The following GOLIM4 variants were observed in gnomAD, a reference collection of about 807,000 sequenced individuals.
GOLIM4 encodes the protein 130 kDa golgi-localized phosphoprotein.
A neutral mutation model predicts 107.4 loss-of-function variants in GOLIM4; 71 were observed. That is an observed-to-expected ratio of 0.66 (90% CI 0.55 to 0.81). The LOEUF is 0.81. Among genes scored for constraint, GOLIM4 ranks in the 30% least tolerant of loss-of-function variants. The pLI, the probability that GOLIM4 is intolerant of heterozygous loss-of-function variation, is 0.00. For missense variants in GOLIM4, 830 were observed against 826.1 expected (o/e 1.00, Z -0.06); for synonymous variants, 327 against 294.8 (o/e 1.11, Z -1.12).
intron 1 of GOLIM4, among the ~76,000 whole-genome samples, chr3:168,062,376 T>C (rs1720320569): frequency 6.6e-6 from 1 of 151,442 alleles, no homozygotes; most frequent in Admixed American, 6.6e-5. Flanking sequence ...ATGCTTTCTA[T>C]ATCCCTAATT....
chr3:168,010,875 C>A lies in GOLIM4; in HGVS notation c.1861-52G>T, dbSNP rs80013308. The A allele has an allele frequency of 5.9e-6, 7 of 1,181,204 alleles. No homozygotes were observed. The African/African-American group carries it at 7.5e-5, about 13-fold the overall frequency. The allele number at this position is 1,181,204 out of a possible 1,614,324, so 73.2% of individuals were successfully genotyped here. A position where few individuals can be genotyped will look rare whatever the true frequency, so the allele number is the denominator to read the frequency against. On this transcript the variant is annotated intron_variant, in intron 14 of 15. Coordinates refer to ENST00000470487, the MANE Select transcript of GOLIM4 (RefSeq NM_014498.5). ...AACACTTTTGTCTTTCAAGCACTTG[C>A]GATAATATATTTTGACACTGTTATC...
intron 1 of GOLIM4, among the ~76,000 whole-genome samples, chr3:168,060,101 T>G (rs1381254286): frequency 2.6e-5 from 2 of 76,050 alleles, no homozygotes; most frequent in African/African-American, 1.1e-4. Flanking sequence ...CATTAGAGAG[T>G]TTTTTTTTTT....
At chr3:168,074,287 G>A (rs376471110) in intron 1 of GOLIM4, among the ~76,000 whole-genome samples, 1 of 152,158 alleles carries the variant, frequency 6.6e-6, no homozygotes, top group Non-Finnish European at 1.5e-5. Context: ...GAAATATGAA[G>A]TGTTTATGTT....
intron 1 of GOLIM4, among the ~76,000 whole-genome samples, chr3:168,054,760 T>C (rs144163494): frequency 6.6e-6 from 1 of 152,316 alleles, no homozygotes; most frequent in East Asian, 1.9e-4. Flanking sequence ...TATCTCATTA[T>C]CGTATCCCTG....
chr3:168,093,820 G>A (rs1577586904), intron 1 of GOLIM4, among the ~76,000 whole-genome samples: 1 of 152,152 alleles, frequency 6.6e-6, no homozygotes, highest in African/African-American at 2.4e-5. Context: ...TCTAAGTTGG[G>A]AAGAGCAAGT....
intron 12 of GOLIM4, among the ~76,000 whole-genome samples, chr3:168,025,640 G>A (rs1186117354): frequency 6.6e-6 from 1 of 152,094 alleles, no homozygotes; most frequent in Non-Finnish European, 1.5e-5. Flanking sequence ...AAAAGGAAAT[G>A]GTCATTTTCT....
intron 1 of GOLIM4, among the ~76,000 whole-genome samples, chr3:168,083,001 A>G (rs1327803326): frequency 1.3e-5 from 2 of 152,234 alleles, no homozygotes; most frequent in Non-Finnish European, 2.9e-5. Context: ...TCAAATAAAA[A>G]GAATATTTTT....
intron 8 of GOLIM4, among the ~76,000 whole-genome samples, chr3:168,035,557 A>G (rs1718594414): frequency 6.6e-6 from 1 of 152,228 alleles, no homozygotes; most frequent in African/African-American, 2.4e-5. Context: ...ACAGAAAGTC[A>G]AATACTACAT....
chr3:168,068,446 T>TA (rs1321398237), intron 1 of GOLIM4, among the ~76,000 whole-genome samples: 1 of 152,148 alleles, frequency 6.6e-6, no homozygotes, highest in Non-Finnish European at 1.5e-5. Flanking sequence ...TTCTGAATTT[T>TA]AAAAAACAGG....
rs141565580 is a variant in GOLIM4, at chr3:168,010,355, G to C, written c.2005C>G (p.Arg669Gly). 1.2e-6 allele frequency: 2 copies of C among 1,612,690 alleles called. No individual in the cohort carries two copies. Among genetic ancestry groups the C allele is most frequent in the Non-Finnish European group, 1.7e-6 (2 of 1,179,020 alleles). The change falls in exon 16 of 16, where the codon CGA becomes GGA. Residue 669 changes from arginine to glycine, a missense_variant. Arg to Gly is a moderately radical substitution (Grantham distance 125, BLOSUM62 -2). Transcript: ENST00000470487. ...EVRDDNRPKG[R>G]EEHYEEEEEE... The stretch of plus-strand genomic sequence containing the variant: ...TCTTCCTCCTCGTAGTGTTCCTCTC[G>C]GCCTTTGGGGCGGTTGTCATCTCGA...
intron 12 of GOLIM4, among the ~76,000 whole-genome samples, chr3:168,025,663 A>G (rs1289541216): frequency 6.6e-6 from 1 of 152,208 alleles, no homozygotes; most frequent in East Asian, 1.9e-4. Context: ...TATGGATCCA[A>G]TTTCTTTATT....
At chr3:168,040,968 T>A in intron 6 of GOLIM4, 99 bp from the exon 7 acceptor site, 1 of 750,168 alleles carries the variant, frequency 1.3e-6, no homozygotes, top group Non-Finnish European at 2.3e-6. Context: ...ACTTGCTTGT[T>A]TATTTGTTGT....
intron 7 of GOLIM4, among the ~76,000 whole-genome samples, chr3:168,039,655 C>T (rs1718866736): frequency 6.6e-6 from 1 of 152,082 alleles, no homozygotes. Context: ...AATGATTTTA[C>T]TTATCTTTCT....
rs527632713 is a variant in GOLIM4, at chr3:168,032,588, G to A, written c.1108C>T (p.Arg370Trp). The change falls in exon 9 of 16, where the codon CGG becomes TGG. Residue 370 changes from arginine (R) to tryptophan (W), a missense_variant. By Grantham distance (101) the Arg-to-Trp change is moderately radical (BLOSUM62 -3). Transcript: ENST00000470487. ...TGCTCATGCTGCTCTTTCCACTCCC[G>A]ATCCTGCTCCTCTGGTGATGGATCG... ...EHDPSPEEQDREWKEQHEQRE... is the reference protein window; with the variant it reads ...EHDPSPEEQDWEWKEQHEQRE... The A allele has an allele frequency of 5.0e-6, 8 of 1,613,838 alleles. No homozygotes were observed. The highest frequency in any genetic ancestry group is 2.7e-5 in the African/African-American group (2 of 74,828).
intron 8 of GOLIM4, among the ~76,000 whole-genome samples, chr3:168,035,606 T>C (rs1385182333): frequency 1.3e-5 from 2 of 152,124 alleles, no homozygotes; most frequent in Non-Finnish European, 2.9e-5. Flanking sequence ...ATGAGACACA[T>C]AAGCACATAG....
At chr3:168,015,680 T>TA (rs1478567348) in intron 14 of GOLIM4, among the ~76,000 whole-genome samples, 1 of 136,252 alleles carries the variant, frequency 7.3e-6, no homozygotes, top group Admixed American at 7.0e-5. Context: ...ATGGTACTGG[T>TA]ACCAAAAGAG....
At position 168,029,771 on chromosome 3, in the gene GOLIM4, G is replaced by A. The variant is rs372817740; in HGVS notation, c.1433+9C>T. ...GCTGTCTTCGTTCATTAAGGAAGGG[G>A]AAGGCTACCGGAGCTGCTCCTGGTG... On this transcript the variant is annotated intron_variant, in intron 10 of 15. Transcript: ENST00000470487. 2.0e-5 allele frequency: 32 copies of A among 1,610,914 alleles called. No homozygotes were observed. The highest frequency in any genetic ancestry group is 2.7e-5 in the Non-Finnish European group (32 of 1,178,104).
Position 168,041,412 on chromosome 3 carries a change from T to G in GOLIM4, c.580A>C (p.Thr194Pro). 1 of 1,585,316 alleles carries G rather than the reference T, an allele frequency of 6.3e-7. No homozygotes were observed. The change falls in exon 6 of 16, where the codon ACA (threonine) becomes CCA (proline). Residue 194 changes from threonine (T) to proline (P), a missense_variant. By Grantham distance (38) the Thr-to-Pro change is conservative. Coordinates refer to ENST00000470487, the MANE Select transcript of GOLIM4 (RefSeq NM_014498.5). ...QLRKAHQDIH[T>P]QLQDVKQQHK... ...TTTACCTTGACATCTTGAAGCTGTG[T>G]ATGTATGTCTTGGTGTGCTTTCCTT...
chr3:168,048,698 A>G (rs1226484908), intron 1 of GOLIM4, among the ~76,000 whole-genome samples: 1 of 152,140 alleles, frequency 6.6e-6, no homozygotes, highest in Non-Finnish European at 1.5e-5. Flanking sequence ...ACCTTGCTCA[A>G]TCTCCTGACT....
Sources: gnomAD v4.1 joint callset for allele counts (sites outside exome capture counted in the v4.1 genomes callset) on GRCh38, gnomAD v4.1.1 for gene constraint, MANE v1.5 for transcripts, NCBI Gene and HGNC (gene_info 2026-07-23, HGNC 2026-07-21) for gene names.